The following GALNT13 variants were observed in gnomAD, a reference collection of about 807,000 sequenced individuals.
The protein encoded by GALNT13 is UDP-GalNAc:polypeptide N-acetylgalactosaminyltransferase 13.
GALNT13 carries 28 observed loss-of-function variants against 64.2 expected under a neutral mutation model. The ratio of observed to expected loss-of-function variants is 0.44; its 90% CI spans 0.32 to 0.60. The LOEUF (loss-of-function observed/expected upper bound fraction) is 0.60. Ranked by LOEUF, GALNT13 falls within the 20% of genes least tolerant of loss-of-function variation. The pLI, the probability that GALNT13 is intolerant of heterozygous loss-of-function variation, is 0.05. For missense variants in GALNT13, 577 were observed against 669.8 expected, an observed-to-expected ratio of 0.86 and a Z score of 1.53; for synonymous variants, 214 against 224.6, an observed-to-expected ratio of 0.95 and a Z score of 0.42.
chr2:153,634,162 G>A, the GALNT13 span, among the ~76,000 whole-genome samples: 1 of 152,016 alleles, frequency 6.6e-6, no homozygotes, highest in East Asian at 1.9e-4. Flanking sequence ...AAATTATTTA[G>A]TAAATGAGTC....
the GALNT13 span, among the ~76,000 whole-genome samples, chr2:153,796,039 G>A: frequency 6.6e-6 from 1 of 152,184 alleles, no homozygotes; most frequent in African/African-American, 2.4e-5. Flanking sequence ...CCTGTAGAGT[G>A]TTCTTAGTCC....
At chr2:154,372,254 A>G (rs1697735939) in intron 9 of GALNT13, among the ~76,000 whole-genome samples, 1 of 152,122 alleles carries the variant, frequency 6.6e-6, no homozygotes, top group African/African-American at 2.4e-5. Flanking sequence ...CACTATTTTG[A>G]AATTCGTCTA....
chr2:153,077,120 T>G, the GALNT13 span, among the ~76,000 whole-genome samples: 1 of 151,840 alleles, frequency 6.6e-6, no homozygotes, highest in Non-Finnish European at 1.5e-5. Context: ...CCTAGCTAAT[T>G]TTTGTATTTT....
the GALNT13 span, among the ~76,000 whole-genome samples, chr2:153,439,916 T>A: frequency 1.3e-5 from 2 of 152,186 alleles, no homozygotes; most frequent in Non-Finnish European, 2.9e-5. Context: ...TCGCTCACGC[T>A]GGGAGCTGCA....
chr2:153,418,617 A>C, the GALNT13 span, among the ~76,000 whole-genome samples: 14 of 152,184 alleles, frequency 9.2e-5, no homozygotes, highest in Admixed American at 3.3e-4. Flanking sequence ...GTTTTTAGCA[A>C]CATGGAGGTC....
chr2:154,044,051 G>A (rs1052535511), intron 3 of GALNT13, among the ~76,000 whole-genome samples: 4 of 151,742 alleles, frequency 2.6e-5, no homozygotes, highest in African/African-American at 7.3e-5. Context: ...CAGCCTGGGT[G>A]ACAGAGTTAG....
the GALNT13 span, among the ~76,000 whole-genome samples, chr2:153,763,720 A>G: frequency 2.0e-5 from 3 of 152,188 alleles, no homozygotes; most frequent in African/African-American, 7.2e-5. Context: ...GGGTACTGCT[A>G]TAAGGATACC....
the GALNT13 span, chr2:153,420,675 T>C: frequency 4.5e-6 from 1 of 223,822 alleles, no homozygotes. Context: ...GGAAAATTAG[T>C]GTTCCCCTTC....
At chr2:153,885,005 C>T (rs1156757484) in intron 1 of GALNT13, among the ~76,000 whole-genome samples, 1 of 149,804 alleles carries the variant, frequency 6.7e-6, no homozygotes, top group Non-Finnish European at 1.5e-5. Context: ...CACCATTGCA[C>T]TCCAGCCTGG....
At chr2:154,311,314 A>G (rs898088924) in intron 9 of GALNT13, among the ~76,000 whole-genome samples, 1 of 152,098 alleles carries the variant, frequency 6.6e-6, no homozygotes, top group Non-Finnish European at 1.5e-5. Flanking sequence ...GACTGGCTTG[A>G]GAAATAAAAG....
intron 4 of GALNT13, among the ~76,000 whole-genome samples, chr2:154,160,334 C>T (rs1208080754): frequency 1.3e-5 from 2 of 152,184 alleles, no homozygotes; most frequent in Non-Finnish European, 2.9e-5. Context: ...TCAGTTCCTG[C>T]TTCAGACAGA....
chr2:154,317,934 A>T (rs1035846287), intron 9 of GALNT13, among the ~76,000 whole-genome samples: 1 of 70,650 alleles, frequency 1.4e-5, no homozygotes, highest in South Asian at 5.8e-4. Flanking sequence ...ACCAAAATCT[A>T]AAAAAAAAAA....
chr2:153,227,405 G>C, the GALNT13 span, among the ~76,000 whole-genome samples: 5 of 152,244 alleles, frequency 3.3e-5, no homozygotes, highest in South Asian at 1.0e-3. Flanking sequence ...TAGGAAATCA[G>C]CTTGGAGTGG....
At chr2:153,976,719 T>C (rs887337520) in intron 3 of GALNT13, among the ~76,000 whole-genome samples, 3 of 152,130 alleles carry the variant, frequency 2.0e-5, no homozygotes, top group African/African-American at 7.2e-5. Context: ...TATGTTGGGT[T>C]ACTTATAATA....
At chr2:153,441,582 A>G in the GALNT13 span, among the ~76,000 whole-genome samples, 4 of 152,224 alleles carry the variant, frequency 2.6e-5, no homozygotes, top group East Asian at 7.7e-4. Context: ...ATTCATGAGC[A>G]TGGAATATTT....
upstream of GALNT13, among the ~76,000 whole-genome samples, chr2:153,870,451 C>T (rs1222005713): frequency 2.6e-5 from 4 of 151,584 alleles, no homozygotes; most frequent in African/African-American, 9.7e-5. Flanking sequence ...CTCAGTATGC[C>T]ATGTAGAGGT....
At chr2:153,554,099 G>A in the GALNT13 span, among the ~76,000 whole-genome samples, 10 of 151,778 alleles carry the variant, frequency 6.6e-5, no homozygotes, top group South Asian at 2.1e-3. Flanking sequence ...GGCGGATCAC[G>A]AGGTCAGGAG....
chr2:153,403,750 G>A, the GALNT13 span, among the ~76,000 whole-genome samples: 2 of 152,260 alleles, frequency 1.3e-5, no homozygotes, highest in Middle Eastern at 3.4e-3. Flanking sequence ...GACCCCTTGC[G>A]CTTCCCAAGT....
chr2:153,814,110 G>C, the GALNT13 span, among the ~76,000 whole-genome samples: 1 of 152,200 alleles, frequency 6.6e-6, no homozygotes, highest in African/African-American at 2.4e-5. Context: ...GTTCAGAACA[G>C]TCACCGCATC....
Sources: gnomAD v4.1 joint callset for allele counts (sites outside exome capture counted in the v4.1 genomes callset) on GRCh38, gnomAD v4.1.1 for gene constraint, MANE v1.5 for transcripts, NCBI Gene and HGNC (gene_info 2026-07-23, HGNC 2026-07-21) for gene names.